The following TRPC4AP variants were observed in gnomAD, a reference collection of about 807,000 sequenced individuals.
TRPC4AP encodes the protein transient receptor potential cation channel subfamily C member 4 associated protein, also known as short transient receptor potential channel 4-associated protein.
A neutral mutation model predicts 99.0 loss-of-function variants in TRPC4AP; 45 were observed. The observed-to-expected ratio is 0.45, with a 90% CI of 0.36 to 0.58. The LOEUF is 0.58. Among genes scored for constraint, TRPC4AP ranks in the 20% least tolerant of loss-of-function variants. TRPC4AP has a pLI of 0.00. For missense variants in TRPC4AP, 879 were observed against 985.3 expected, an observed-to-expected ratio of 0.89 and a Z score of 1.44; for synonymous variants, 408 against 385.8, an observed-to-expected ratio of 1.06 and a Z score of -0.67.
chr20:35,057,643 C>G, intron 3 of TRPC4AP, 72 bp from the exon 4 acceptor site: 1 of 1,233,760 alleles, frequency 8.1e-7, no homozygotes, highest in Non-Finnish European at 1.2e-6. Flanking sequence ...TTGCCATAAC[C>G]ATTCATGGCC....
chr20:35,069,155 T>C, intron 3 of TRPC4AP, 141 bp downstream of exon 3: 1 of 608,732 alleles, frequency 1.6e-6, no homozygotes, highest in Non-Finnish European at 3.0e-6. Context: ...TGCTTCAACA[T>C]GTAAATGCCG....
In TRPC4AP at chr20:35,034,151, CAAAAAAAAAAAAA is replaced by C. The variant is rs59579695; in HGVS notation, c.1051+959_1051+971del. Among the ~76,000 whole-genome samples, 2 of 6,232 alleles carry C rather than the reference CAAAAAAAAAAAAA, an allele frequency of 3.2e-4. 1 individual carries two copies. Among genetic ancestry groups the C allele is most frequent in the East Asian group, 0.026 (2 of 78 alleles). The allele number at this position is 6,232 out of a possible 152,430, so 4.1% of individuals were successfully genotyped here. On this transcript the variant is annotated intron_variant, in intron 8 of 18. Transcript: ENST00000252015. ...TGGGCGACAGAGCGAGACTCCGTCT[CAAAAAAAAAAAAA>C]AAAAAAAAAAAAAAGAGTAAAAAAA...
intron 4 of TRPC4AP, among the ~76,000 whole-genome samples, chr20:35,057,218 C>CT (rs1478840150): frequency 9.9e-5 from 15 of 152,266 alleles, no homozygotes; most frequent in African/African-American, 3.6e-4. Flanking sequence ...TGATCTTACT[C>CT]TCTCAGCTAG....
chr20:35,079,766 T>C (rs1246913714), intron 1 of TRPC4AP, among the ~76,000 whole-genome samples: 3 of 151,954 alleles, frequency 2.0e-5, no homozygotes, highest in Non-Finnish European at 4.4e-5. Context: ...AATATTTGCC[T>C]AGCACTTTGG....
chr20:35,036,803 A>G (rs1372531736), intron 7 of TRPC4AP, among the ~76,000 whole-genome samples: 1 of 152,102 alleles, frequency 6.6e-6, no homozygotes, highest in Non-Finnish European at 1.5e-5. Flanking sequence ...AAAATTAGCC[A>G]GGCGTGGTAT....
chr20:35,070,112 G>A (rs1051160896), intron 2 of TRPC4AP, among the ~76,000 whole-genome samples: 1 of 152,136 alleles, frequency 6.6e-6, no homozygotes, highest in Non-Finnish European at 1.5e-5. Context: ...AGGGATGTGA[G>A]AGAGACCATT....
At chr20:35,083,596 C>T (rs1222497332) in intron 1 of TRPC4AP, among the ~76,000 whole-genome samples, 4 of 148,074 alleles carry the variant, frequency 2.7e-5, no homozygotes, top group Admixed American at 6.8e-5. Flanking sequence ...GGAGACAGAG[C>T]GAGACTCCAT....
At chr20:35,027,993 C>G (rs761167162) in intron 8 of TRPC4AP, among the ~76,000 whole-genome samples, 4 of 151,976 alleles carry the variant, frequency 2.6e-5, no homozygotes, top group South Asian at 2.1e-4. Flanking sequence ...TACTGTTTTT[C>G]TATTCTCTAT....
chr20:35,016,961 G>A (rs868090720), intron 9 of TRPC4AP, among the ~76,000 whole-genome samples: 11 of 152,280 alleles, frequency 7.2e-5, no homozygotes, highest in Middle Eastern at 3.4e-3. Context: ...AGGGCACACT[G>A]GTATGACCTG....
At chr20:35,048,509 G>A (rs1217733762) in intron 6 of TRPC4AP, among the ~76,000 whole-genome samples, 4 of 152,256 alleles carry the variant, frequency 2.6e-5, no homozygotes, top group East Asian at 1.9e-4. Flanking sequence ...ATGAGCCACC[G>A]TGCCTGGCCT....
chr20:35,024,258 A>T (rs540836090), intron 8 of TRPC4AP, among the ~76,000 whole-genome samples: 11 of 152,116 alleles, frequency 7.2e-5, no homozygotes, highest in Non-Finnish European at 1.5e-5. Context: ...AATCAATTTT[A>T]GAATATCTTC....
chr20:35,035,458 T>C, intron 7 of TRPC4AP, 150 bp from the exon 8 acceptor site: 1 of 889,976 alleles, frequency 1.1e-6, no homozygotes, highest in Admixed American at 3.1e-5. Flanking sequence ...CAAACCAAGG[T>C]AAATAGTAAT....
chr20:35,004,133 T>G (rs1303888641), intron 17 of TRPC4AP, among the ~76,000 whole-genome samples: 1 of 152,168 alleles, frequency 6.6e-6, no homozygotes, highest in Non-Finnish European at 1.5e-5. Context: ...GAAGGCTGCA[T>G]GACTATTCAG....
At chr20:35,073,632 G>C (rs1016320263) in intron 2 of TRPC4AP, among the ~76,000 whole-genome samples, 3 of 152,156 alleles carry the variant, frequency 2.0e-5, no homozygotes, top group African/African-American at 4.8e-5. Flanking sequence ...CAACTTGATC[G>C]TGGTGAATAA....
chr20:35,010,222 G>A lies in TRPC4AP; in HGVS notation c.1476C>T (p.Asn492=). 1 of 1,614,222 alleles carries A rather than the reference G, an allele frequency of 6.2e-7. No individual in the cohort carries two copies. The highest frequency in any genetic ancestry group is 8.5e-7 in the Non-Finnish European group (1 of 1,180,034). ...TGAGGACAGCTTCCACCTCAGGGAT[G>A]TTGGCCTTGAGAGAGATGGCACTGA... ...NELSAISLKA[N]IPEVEAVLNT... is the part of the protein sequence containing the mutation. The change falls in exon 12 of 19, where the codon AAC becomes AAT. Residue 492 remains asparagine, a synonymous_variant. Coordinates refer to ENST00000252015, the MANE Select transcript of TRPC4AP (RefSeq NM_015638.3).
At chr20:35,052,088 T>G (rs1027532880) in intron 5 of TRPC4AP, among the ~76,000 whole-genome samples, 1 of 148,822 alleles carries the variant, frequency 6.7e-6, no homozygotes, top group Non-Finnish European at 1.5e-5. Flanking sequence ...TCATCATAGG[T>G]TTTTTTTTGG....
intron 5 of TRPC4AP, among the ~76,000 whole-genome samples, chr20:35,050,729 CA>C (rs1025116291): frequency 2.0e-5 from 3 of 148,962 alleles, no homozygotes; most frequent in Admixed American, 6.7e-5. Flanking sequence ...AAAAACAAAA[CA>C]AAAAAACCAA....
chr20:35,086,090 G>A (rs1307376975), intron 1 of TRPC4AP, among the ~76,000 whole-genome samples: 1 of 145,916 alleles, frequency 6.9e-6, no homozygotes, highest in East Asian at 2.0e-4. Context: ...CCAAGTAGCT[G>A]GGATTACAGG....
intron 11 of TRPC4AP, among the ~76,000 whole-genome samples, chr20:35,011,863 C>T: frequency 6.6e-6 from 1 of 152,254 alleles, no homozygotes; most frequent in East Asian, 1.9e-4. Context: ...CTGGCCAGTC[C>T]TGGACCCTGT....
Sources: gnomAD v4.1 joint callset for allele counts (sites outside exome capture counted in the v4.1 genomes callset) on GRCh38, gnomAD v4.1.1 for gene constraint, MANE v1.5 for transcripts, NCBI Gene and HGNC (gene_info 2026-07-23, HGNC 2026-07-21) for gene names.